Variants in ZSWIM5 observed in about 807,000 individuals in gnomAD.
ZSWIM5 encodes zinc finger SWIM-type containing 5.
In ZSWIM5, 55 loss-of-function variants were observed where a neutral mutation model predicts 119.6. The ratio of observed to expected loss-of-function variants is 0.46; its 90% confidence interval spans 0.37 to 0.58. The LOEUF (loss-of-function observed/expected upper bound fraction) is 0.58, where lower values mean the gene tolerates loss of function less well. ZSWIM5 is among the 20% of genes least tolerant of loss of function. ZSWIM5 has a pLI of 0.00. For missense variants in ZSWIM5, 1,193 were observed against 1,512.8 expected (o/e 0.79, Z 3.51); for synonymous variants, 537 against 606.9 (o/e 0.88, Z 1.69).
At chr1:45,021,764 A>T (rs1248553248) in intron 11 of ZSWIM5, among the ~76,000 whole-genome samples, 6 of 152,174 alleles carry the variant, frequency 3.9e-5, no homozygotes, top group African/African-American at 1.4e-4. Flanking sequence ...TCTCGCCTGT[A>T]ATCCCAGCAC....
intron 1 of ZSWIM5, among the ~76,000 whole-genome samples, chr1:45,171,216 A>G (rs1645944358): frequency 6.6e-6 from 1 of 152,098 alleles, no homozygotes; most frequent in South Asian, 2.1e-4. Flanking sequence ...CCAGAATAGC[A>G]TATATTCCTC....
chr1:45,091,503 A>T (rs996255849), intron 1 of ZSWIM5, among the ~76,000 whole-genome samples: 4 of 151,616 alleles, frequency 2.6e-5, no homozygotes, highest in Admixed American at 2.6e-4. Context: ...AAAAAAAAAA[A>T]AAAAAAAAAA....
intron 1 of ZSWIM5, among the ~76,000 whole-genome samples, chr1:45,148,973 T>C (rs907868635): frequency 6.6e-6 from 1 of 152,192 alleles, no homozygotes; most frequent in African/African-American, 2.4e-5. Context: ...TCAAAATACA[T>C]ATTAATAATT....
chr1:45,096,392 G>T (rs942227058), intron 1 of ZSWIM5, among the ~76,000 whole-genome samples: 10 of 151,304 alleles, frequency 6.6e-5, no homozygotes, highest in African/African-American at 1.9e-4. Flanking sequence ...TCCATTTTTT[G>T]ATGCAAAGCA....
At chr1:45,139,731 G>T (rs1267198490) in intron 1 of ZSWIM5, among the ~76,000 whole-genome samples, 2 of 127,798 alleles carry the variant, frequency 1.6e-5, no homozygotes, top group South Asian at 2.5e-4. Context: ...TAGAGACAGG[G>T]TCTTGCTTTG....
chr1:45,118,679 T>C (rs1570118504), intron 1 of ZSWIM5, among the ~76,000 whole-genome samples: 1 of 149,370 alleles, frequency 6.7e-6, no homozygotes, highest in Non-Finnish European at 1.5e-5. Context: ...GAGGTGGAGG[T>C]TGCAGTGAGC....
intron 1 of ZSWIM5, among the ~76,000 whole-genome samples, chr1:45,195,777 T>C (rs917999173): frequency 1.3e-4 from 20 of 151,890 alleles, no homozygotes; most frequent in African/African-American, 4.3e-4. Context: ...ACATGGTCCA[T>C]AGCATTTGTA....
At chr1:45,065,984 G>GTA (rs1226150339) in intron 2 of ZSWIM5, among the ~76,000 whole-genome samples, 1 of 151,302 alleles carries the variant, frequency 6.6e-6, no homozygotes, top group African/African-American at 2.4e-5. Flanking sequence ...TTAGTATTAG[G>GTA]TATATCTCCT....
intron 1 of ZSWIM5, among the ~76,000 whole-genome samples, chr1:45,204,007 C>G (rs1198507192): frequency 6.6e-6 from 1 of 152,012 alleles, no homozygotes; most frequent in East Asian, 1.9e-4. Context: ...GCCTATAACT[C>G]CAGAACCACA....
At position 45,040,499 on chromosome 1, in the gene ZSWIM5, C is replaced by T. The variant is rs187838607; in HGVS notation, c.1649G>A (p.Arg550His). 6.9e-5 allele frequency: 112 copies of T among 1,611,602 alleles called. No homozygotes were observed. In the African/African-American group the frequency reaches 7.9e-4, roughly 11 times the overall value. ...PTACARVDAL[R>H]SHGYPKEALR... is the part of the protein sequence containing the mutation. ...GGCCTCTTTTGGATAACCATGGGAACGCAGGGCGTCAACTCGAGCACAGGC... is the reference window on the plus strand; with the variant it reads ...GGCCTCTTTTGGATAACCATGGGAATGCAGGGCGTCAACTCGAGCACAGGC... Residue 550 changes from arginine (R) to histidine (H), a missense_variant, in exon 7 of 14, where the codon CGT becomes CAT. Arg to His is a conservative substitution (Grantham distance 29). This residue lies in a region of ZSWIM5 where 961 missense variants were observed against 1,290.0 expected (regional missense o/e 0.74). Transcript: ENST00000359600.
chr1:45,162,615 C>T (rs1432800084), intron 1 of ZSWIM5, among the ~76,000 whole-genome samples: 1 of 152,208 alleles, frequency 6.6e-6, no homozygotes, highest in African/African-American at 2.4e-5. Flanking sequence ...CAGGTCACTC[C>T]CACCCTAATA....
In ZSWIM5 at chr1:45,043,289, A is replaced by G; in HGVS notation, c.1539T>C (p.Tyr513=). The part of the protein sequence containing the change: ...HLQRIISSDV[Y]TAPACQRESE... Reference sequence around the variant, plus strand: ...TTTCCCGCTGGCAGGCAGGAGCTGTATAAACATCACTGCTGATTATTCGCT... The same window carrying G: ...TTTCCCGCTGGCAGGCAGGAGCTGTGTAAACATCACTGCTGATTATTCGCT... The change falls in exon 6 of 14, where the codon TAT becomes TAC. Residue 513 remains tyrosine, a synonymous_variant. Transcript: ENST00000359600. The G allele has an allele frequency of 6.2e-7, 1 of 1,614,232 alleles. No homozygotes were observed. The highest frequency in any genetic ancestry group is 1.1e-5 in the South Asian group (1 of 91,084).
At chr1:45,049,708 G>A (rs1645078785) in intron 5 of ZSWIM5, among the ~76,000 whole-genome samples, 1 of 152,116 alleles carries the variant, frequency 6.6e-6, no homozygotes, top group African/African-American at 2.4e-5. Flanking sequence ...CAACTACTCG[G>A]GAAGCTGAGG....
At chr1:45,078,431 T>C (rs1041518816) in intron 2 of ZSWIM5, among the ~76,000 whole-genome samples, 21 of 152,268 alleles carry the variant, frequency 1.4e-4, no homozygotes, top group African/African-American at 5.1e-4. Context: ...CCCATAGAGG[T>C]ACTACCTTGG....
intron 6 of ZSWIM5, among the ~76,000 whole-genome samples, chr1:45,042,003 C>T (rs1031636180): frequency 5.3e-5 from 8 of 152,092 alleles, no homozygotes; most frequent in Admixed American, 4.6e-4. Flanking sequence ...ATCTATTGAG[C>T]TAATCAATCC....
chr1:45,184,939 C>T (rs1410852957), intron 1 of ZSWIM5, among the ~76,000 whole-genome samples: 1 of 152,044 alleles, frequency 6.6e-6, no homozygotes, highest in Non-Finnish European at 1.5e-5. Flanking sequence ...CCCTCATTGC[C>T]AAGTCAATCC....
At chr1:45,113,251 G>C (rs1465417817) in intron 1 of ZSWIM5, among the ~76,000 whole-genome samples, 1 of 152,172 alleles carries the variant, frequency 6.6e-6, no homozygotes, top group Non-Finnish European at 1.5e-5. Flanking sequence ...TATGGCTGAA[G>C]GTTAGATTAT....
rs1245217840 is a variant in ZSWIM5 at position 45,034,321 on chromosome 1, C to T, written c.2440G>A (p.Ala814Thr). Residue 814 changes from alanine (A) to threonine (T), a missense_variant, in exon 11 of 14, where the codon GCT (alanine) becomes ACT (threonine). By Grantham distance (58) the Ala-to-Thr change is moderately conservative. Transcript: ENST00000359600. ...GTCTATCTATGCTCACCTTTGGCAG[C>T]AGTCAGCATGGTGGAGGCCAGTTCA... ...QCELASTMLTAAKGDTLRLRT... is the reference protein window; with the variant it reads ...QCELASTMLTTAKGDTLRLRT... 16 of 1,604,602 alleles carry T rather than the reference C, an allele frequency of 1.0e-5. No homozygotes were observed. Among genetic ancestry groups the T allele is most frequent in the Non-Finnish European group, 1.3e-5 (15 of 1,175,712 alleles).
chr1:45,030,081 A>T, intron 11 of ZSWIM5, among the ~76,000 whole-genome samples: 1 of 152,068 alleles, frequency 6.6e-6, no homozygotes, highest in East Asian at 1.9e-4. Context: ...AGTAGCTGGG[A>T]CTACAGGGGG....
Sources: allele counts gnomAD v4.1 joint callset (sites outside exome capture counted in the v4.1 genomes callset), GRCh38; gene constraint gnomAD v4.1.1; regional missense constraint gnomAD v4.1.1; transcripts MANE v1.5; gene names NCBI Gene and HGNC (gene_info 2026-07-23, HGNC 2026-07-21).